Variants in PATJ observed in about 807,000 individuals in gnomAD.
PATJ encodes the protein PATJ crumbs cell polarity complex component, also known as inaD-like protein.
In PATJ, 190 loss-of-function variants were observed where a neutral mutation model predicts 224.9. That is an observed-to-expected ratio of 0.84 (90% CI 0.75 to 0.95). The LOEUF is 0.95. Among genes scored for constraint, PATJ ranks in the 40% least tolerant of loss-of-function variants. The pLI, the probability that PATJ is intolerant of heterozygous loss-of-function variation, is 0.00. For synonymous variants in PATJ, 769 were observed against 820.3 expected (o/e 0.94, Z 1.07); for missense variants, 2,121 against 2,270.3 (o/e 0.93, Z 1.34).
intron 43 of PATJ, among the ~76,000 whole-genome samples, chr1:62,160,525 G>GT (rs1207834993): frequency 2.6e-5 from 4 of 152,170 alleles, no homozygotes; most frequent in African/African-American, 9.7e-5. Context: ...GGTATTTGCA[G>GT]TAAGACTAAC....
At chr1:61,873,773 A>G (rs897819829) in intron 20 of PATJ, among the ~76,000 whole-genome samples, 2 of 152,154 alleles carry the variant, frequency 1.3e-5, no homozygotes, top group African/African-American at 2.4e-5. Context: ...GGGAACCTGC[A>G]CAGGGAGTTT....
At position 61,797,416 on chromosome 1, in the gene PATJ, C is replaced by T; in HGVS notation, c.1390C>T (p.Pro464Ser). 2.5e-6 allele frequency: 4 copies of T among 1,613,056 alleles called. No individual in the cohort carries two copies. The highest frequency in any genetic ancestry group is 2.5e-6 in the Non-Finnish European group (3 of 1,179,120). The change falls in exon 11 of 44, where the codon CCT (proline) becomes TCT (serine). Residue 464 changes from proline (P) to serine (S), a missense_variant. Transcript: ENST00000642238. Reference sequence around the variant, plus strand: ...CTCATCTACTTCTCCACTTGAACCACCTTCAGACAGAGGTGATTAATTTGC... The same window carrying T: ...CTCATCTACTTCTCCACTTGAACCATCTTCAGACAGAGGTGATTAATTTGC... ...TSSSTSPLEP[P>S]SDRGTVVEPL...
intron 28 of PATJ, among the ~76,000 whole-genome samples, chr1:61,997,724 A>G (rs1645450503): frequency 6.6e-6 from 1 of 151,606 alleles, no homozygotes; most frequent in African/African-American, 2.4e-5. Flanking sequence ...AACACCCAAG[A>G]TAGTTTCTCA....
intron 26 of PATJ, among the ~76,000 whole-genome samples, chr1:61,925,494 C>T (rs1049181516): frequency 1.3e-5 from 2 of 152,068 alleles, no homozygotes; most frequent in African/African-American, 4.8e-5. Context: ...AATCATAGAA[C>T]TGGAAATAAA....
intron 11 of PATJ, among the ~76,000 whole-genome samples, chr1:61,800,971 G>A (rs1000892505): frequency 1.1e-4 from 17 of 152,126 alleles, no homozygotes; most frequent in Admixed American, 6.5e-5. Context: ...TCTTAATCCA[G>A]TCTATCACTG....
At chr1:61,926,126 T>C (rs979737164) in intron 26 of PATJ, among the ~76,000 whole-genome samples, 5 of 152,198 alleles carry the variant, frequency 3.3e-5, no homozygotes, top group African/African-American at 1.2e-4. Flanking sequence ...CCCAGGACTG[T>C]TCTCAGAGTT....
intron 1 of PATJ, among the ~76,000 whole-genome samples, chr1:61,757,538 A>G (rs945556304): frequency 6.6e-6 from 1 of 151,794 alleles, no homozygotes; most frequent in African/African-American, 2.4e-5. Context: ...GGCGTGCACC[A>G]TCACACCCAG....
At chr1:61,886,577 T>C (rs182576283) in intron 22 of PATJ, among the ~76,000 whole-genome samples, 1 of 152,088 alleles carries the variant, frequency 6.6e-6, no homozygotes, top group African/African-American at 2.4e-5. Context: ...CCCAGCACTT[T>C]GGGAGGCTGA....
chr1:61,827,641 G>GT, intron 16 of PATJ, 58 bp downstream of exon 16: 1 of 1,519,660 alleles, frequency 6.6e-7, no homozygotes, highest in Admixed American at 1.8e-5. Flanking sequence ...AAGATGCCCC[G>GT]AAGACTGTGC....
chr1:61,777,724 T>TTTTTTTTGTTTTTTTTTTTTTTTTTTTTC (rs765662896), intron 7 of PATJ, among the ~76,000 whole-genome samples: 1 of 106,016 alleles, frequency 9.4e-6, no homozygotes, highest in Non-Finnish European at 1.8e-5. Context: ...TTTTTTTTTT[T>TTTTTTTTGTTTTTTTTTTTTTTTTTTTTC]TTTAGCATAG....
At chr1:61,879,085 A>G (rs536089008) in intron 21 of PATJ, among the ~76,000 whole-genome samples, 5 of 152,314 alleles carry the variant, frequency 3.3e-5, no homozygotes, top group African/African-American at 1.2e-4. Flanking sequence ...CACCTGGCCA[A>G]ATTTATGGAC....
intron 1 of PATJ, among the ~76,000 whole-genome samples, chr1:61,757,897 C>T (rs1645741875): frequency 6.6e-6 from 1 of 152,104 alleles, no homozygotes; most frequent in South Asian, 2.1e-4. Flanking sequence ...AGTGATCCTC[C>T]CACCTCAGCC....
At chr1:62,087,151 A>G (rs1660110787) in intron 33 of PATJ, among the ~76,000 whole-genome samples, 1 of 149,166 alleles carries the variant, frequency 6.7e-6, no homozygotes, top group Non-Finnish European at 1.5e-5. Flanking sequence ...AGGATGGTGG[A>G]GAAGAAGAAT....
rs144144522 is a variant in PATJ at position 62,121,602 on chromosome 1, T to C, written c.5005+307T>C. On this transcript the variant is annotated intron_variant, in intron 38 of 43. Transcript: ENST00000642238. Reference sequence around the variant, plus strand: ...CTAACCCCGTGAAACCCCGTCTCTATTAAAATACAAAAAAAAATTAGCCGG... The same window carrying C: ...CTAACCCCGTGAAACCCCGTCTCTACTAAAATACAAAAAAAAATTAGCCGG... Among the ~76,000 whole-genome samples the C allele has an allele frequency of 6.1e-3, 922 of 151,380 alleles. 12 individuals carry two copies. The highest frequency in any genetic ancestry group is 0.021 in the African/African-American group (875 of 41,252).
chr1:61,862,798 T>A (rs978792814), intron 19 of PATJ, among the ~76,000 whole-genome samples: 1 of 152,168 alleles, frequency 6.6e-6, no homozygotes, highest in Non-Finnish European at 1.5e-5. Context: ...GGAATTATAC[T>A]TATGTTGCTC....
intron 27 of PATJ, among the ~76,000 whole-genome samples, chr1:61,966,289 T>G (rs1429712946): frequency 6.6e-6 from 1 of 152,178 alleles, no homozygotes; most frequent in East Asian, 1.9e-4. Context: ...TATTTTTGAA[T>G]GGTAATCTGT....
intron 12 of PATJ, among the ~76,000 whole-genome samples, chr1:61,803,239 A>G (rs983535515): frequency 6.6e-6 from 1 of 152,194 alleles, no homozygotes; most frequent in African/African-American, 2.4e-5. Context: ...ATGACCTTTT[A>G]AAAACATTAT....
intron 29 of PATJ, among the ~76,000 whole-genome samples, chr1:62,034,909 AGCCATATTTTTAAT>A (rs973155871): frequency 5.3e-4 from 81 of 152,324 alleles, no homozygotes; most frequent in African/African-American, 1.8e-3. Flanking sequence ...ATTCATGTAC[AGCCATATTTTTAAT>A]GCCGGTAACC....
chr1:61,831,433 A>G (rs905949551), intron 16 of PATJ, among the ~76,000 whole-genome samples: 13 of 152,186 alleles, frequency 8.5e-5, no homozygotes, highest in African/African-American at 3.1e-4. Context: ...CAAACTATGC[A>G]TCTGACAAAG....
Sources: allele counts gnomAD v4.1 joint callset (sites outside exome capture counted in the v4.1 genomes callset), GRCh38; gene constraint gnomAD v4.1.1; transcripts MANE v1.5; gene names NCBI Gene and HGNC (gene_info 2026-07-23, HGNC 2026-07-21).